BLK: variants seen among roughly 807,000 people sequenced by gnomAD.
BLK encodes the protein tyrosine-protein kinase Blk.
BLK carries 64 observed loss-of-function variants against 61.8 expected under a neutral mutation model. That is an observed-to-expected ratio of 1.03 (90% CI 0.85 to 1.27). The LOEUF is 1.27. Among genes scored for constraint, BLK ranks in the 50% most tolerant of loss-of-function variants. BLK has a pLI of 0.00. For synonymous variants in BLK, 351 were observed against 272.0 expected (o/e 1.29, Z -2.86); for missense variants, 853 against 660.5 (o/e 1.29, Z -3.19).
intron 1 of BLK, among the ~76,000 whole-genome samples, chr8:11,506,914 C>A (rs997092775): frequency 6.6e-6 from 1 of 152,224 alleles, no homozygotes; most frequent in Non-Finnish European, 1.5e-5. Context: ...GCTGAAAGAT[C>A]TGCATCACGG....
chr8:11,545,366 T>C (rs1309677812), intron 2 of BLK, among the ~76,000 whole-genome samples: 2 of 152,174 alleles, frequency 1.3e-5, no homozygotes, highest in African/African-American at 2.4e-5. Context: ...CTGGCCAACA[T>C]GGCGAAAACC....
At position 11,563,939 on chromosome 8, in the gene BLK, G is replaced by A. The variant is rs202162624; in HGVS notation, c.1349G>A (p.Arg450His). 1.0e-3 allele frequency: 1,648 copies of A among 1,608,036 alleles called. 25 individuals carry two copies. In the South Asian group the frequency reaches 0.012, roughly 12 times the overall value. Residue 450 changes from arginine to histidine, a missense_variant, in exon 13 of 13, where the codon CGC becomes CAC. By Grantham distance (29) the Arg-to-His change is conservative. Coordinates refer to ENST00000259089, the MANE Select transcript of BLK (RefSeq NM_001715.3). ...SNPEVIRNLE[R>H]GYRMPRPDTC... ...CCCGAGGTCATCCGCAACCTGGAGC[G>A]CGGCTACCGCATGCCGCGCCCCGAC...
chr8:11,542,211 C>A (rs1800409267), intron 1 of BLK, among the ~76,000 whole-genome samples: 1 of 152,158 alleles, frequency 6.6e-6, no homozygotes, highest in Non-Finnish European at 1.5e-5. Context: ...AAAAAAAATG[C>A]TGCTACTAGT....
At chr8:11,506,819 T>G (rs151319183) in intron 1 of BLK, among the ~76,000 whole-genome samples, 1 of 152,200 alleles carries the variant, frequency 6.6e-6, no homozygotes. Context: ...ATCCTCCCAC[T>G]CTGGGGCCCC....
chr8:11,497,055 CA>C (rs1188730577), intron 1 of BLK, among the ~76,000 whole-genome samples: 77 of 152,250 alleles, frequency 5.1e-4, no homozygotes, highest in African/African-American at 1.8e-3. Flanking sequence ...GCAGGCCCAG[CA>C]GAGCGGGTGA....
At chr8:11,519,761 A>T (rs868187156) in intron 1 of BLK, among the ~76,000 whole-genome samples, 42 of 152,224 alleles carry the variant, frequency 2.8e-4, no homozygotes, top group African/African-American at 9.9e-4. Context: ...GTAAACTGTA[A>T]TGTGAGGATT....
At position 11,548,093 on chromosome 8, in the gene BLK, G is replaced by A. The variant is rs760528244; in HGVS notation, c.237G>A (p.Met79Ile). The A allele has an allele frequency of 7.4e-6, 12 of 1,613,860 alleles. No individual in the cohort carries two copies. The South Asian group carries it at 1.2e-4, about 16-fold the overall frequency. Reference sequence around the variant, plus strand: ...CTATGAATGATCGGGACCTGCAGATGCTGAAGGGGGAGAAGCTACAGGTCC... The same window carrying A: ...CTATGAATGATCGGGACCTGCAGATACTGAAGGGGGAGAAGCTACAGGTCC... ...YTAMNDRDLQ[M>I]LKGEKLQVLK... Residue 79 changes from methionine to isoleucine, a missense_variant, in exon 4 of 13, where the codon ATG becomes ATA. Transcript: ENST00000259089.
chr8:11,538,057 T>C (rs982254557), intron 1 of BLK, among the ~76,000 whole-genome samples: 2 of 152,066 alleles, frequency 1.3e-5, no homozygotes, highest in African/African-American at 4.8e-5. Flanking sequence ...CACATGCATA[T>C]ACACGTGCAC....
At position 11,550,223 on chromosome 8, in the gene BLK, G is replaced by T. The variant is rs751857293; in HGVS notation, c.433G>T (p.Ala145Ser). The T allele has an allele frequency of 1.2e-6, 2 of 1,614,122 alleles. No individual in the cohort carries two copies. The highest frequency in any genetic ancestry group is 3.3e-5 in the Admixed American group (2 of 60,028). The change falls in exon 6 of 13, where the codon GCC (alanine) becomes TCC (serine). Residue 145 changes from alanine to serine, a missense_variant. By Grantham distance (99) the Ala-to-Ser change is moderately conservative. Transcript: ENST00000259089. The stretch of plus-strand genomic sequence containing the variant: ...GCAGCTTCTTGCTCCAATCAACAAG[G>T]CCGGCTCCTTTCTTATCAGAGAGAG... Reference protein sequence around the residue: ...ERQLLAPINKAGSFLIRESET... With the variant: ...ERQLLAPINKSGSFLIRESET...
chr8:11,524,651 A>G (rs1478507161), intron 1 of BLK, among the ~76,000 whole-genome samples: 1 of 152,208 alleles, frequency 6.6e-6, no homozygotes, highest in Non-Finnish European at 1.5e-5. Flanking sequence ...AATTAAGGGA[A>G]GATATGAGGA....
At chr8:11,519,810 C>T (rs1443232416) in intron 1 of BLK, among the ~76,000 whole-genome samples, 2 of 152,186 alleles carry the variant, frequency 1.3e-5, no homozygotes, top group Non-Finnish European at 2.9e-5. Flanking sequence ...TCCATTTAAA[C>T]TCTACTGTAT....
chr8:11,564,234 G>A lies in BLK; in HGVS notation c.*126G>A. 1.7e-6 allele frequency: 2 copies of A among 1,190,418 alleles called. No individual in the cohort carries two copies. Among genetic ancestry groups the A allele is most frequent in the Non-Finnish European group, 2.4e-6 (2 of 835,788 alleles). 73.7% of individuals were successfully genotyped at this position (1,190,418 alleles called of 1,614,324 possible). On this transcript the variant is annotated 3_prime_UTR_variant, in exon 13 of 13. Transcript: ENST00000259089. ...CTTTTCTCAGACCCGGAATCCAGTG[G>A]GCAGAGGCAGCTTCGCAGGGGGTCC...
chr8:11,526,395 A>G (rs1799652351), intron 1 of BLK, among the ~76,000 whole-genome samples: 1 of 152,106 alleles, frequency 6.6e-6, no homozygotes, highest in East Asian at 1.9e-4. Context: ...TTTTTGTTAT[A>G]CTGTTATTTT....
intron 1 of BLK, among the ~76,000 whole-genome samples, chr8:11,506,188 C>G (rs1251274433): frequency 6.6e-6 from 1 of 152,228 alleles, no homozygotes; most frequent in Non-Finnish European, 1.5e-5. Flanking sequence ...TGTCTCTTTG[C>G]CACATCGTGG....
chr8:11,546,109 A>G lies in BLK; in HGVS notation c.175+6A>G, dbSNP rs761075080. The stretch of plus-strand genomic sequence containing the variant: ...CGATGAACACCTGGATGAAGGTAAG[A>G]AGGGTGGTTTGGGAAGCTGAGGCTC... On this transcript the variant is annotated splice_donor_region_variant and intron_variant, in intron 3 of 12. Coordinates refer to ENST00000259089, the MANE Select transcript of BLK (RefSeq NM_001715.3). The G allele has an allele frequency of 1.2e-6, 2 of 1,614,120 alleles. No homozygotes were observed. Among genetic ancestry groups the G allele is most frequent in the African/African-American group, 2.7e-5 (2 of 75,026 alleles).
At chr8:11,501,764 C>T (rs1298529751) in intron 1 of BLK, among the ~76,000 whole-genome samples, 6 of 152,234 alleles carry the variant, frequency 3.9e-5, no homozygotes, top group African/African-American at 1.4e-4. Context: ...TTGGCACAAA[C>T]ACTGAAATGT....
chr8:11,524,239 A>G (rs1363700493), intron 1 of BLK, among the ~76,000 whole-genome samples: 1 of 152,234 alleles, frequency 6.6e-6, no homozygotes, highest in Non-Finnish European at 1.5e-5. Flanking sequence ...AAGTTATGAC[A>G]CAATATAAAC....
chr8:11,518,512 G>T (rs1014633242), intron 1 of BLK, among the ~76,000 whole-genome samples: 2 of 152,052 alleles, frequency 1.3e-5, no homozygotes, highest in Non-Finnish European at 2.9e-5. Flanking sequence ...CTGTCACGCT[G>T]TTGCTGGCAT....
intron 1 of BLK, among the ~76,000 whole-genome samples, chr8:11,495,142 C>T (rs1335459148): frequency 6.6e-6 from 1 of 152,216 alleles, no homozygotes; most frequent in Non-Finnish European, 1.5e-5. Flanking sequence ...AGATCTATTT[C>T]ACCAGGAAAC....
Sources: allele counts gnomAD v4.1 joint callset (sites outside exome capture counted in the v4.1 genomes callset), GRCh38; gene constraint gnomAD v4.1.1; transcripts MANE v1.5; gene names NCBI Gene and HGNC (gene_info 2026-07-23, HGNC 2026-07-21).